The following NUTM2E variants were observed in gnomAD, a reference collection of about 807,000 sequenced individuals.
NUTM2E encodes family with sequence similarity 22, member E.
In NUTM2E, 3 loss-of-function variants were observed where a neutral mutation model predicts 26.1. That is an observed-to-expected ratio of 0.12 (90% confidence interval 0.05 to 0.30). The LOEUF (loss-of-function observed/expected upper bound fraction) is 0.30, where lower values mean the gene tolerates loss of function less well. Among genes scored for constraint, NUTM2E ranks in the 10% least tolerant of loss-of-function variants. NUTM2E has a pLI of 1.00. For synonymous variants in NUTM2E, 13 were observed against 157.5 expected (o/e 0.08, Z 6.87); for missense variants, 62 against 381.3 (o/e 0.16, Z 6.97).
intron 1 of NUTM2E, among the ~76,000 whole-genome samples, chr10:79,828,739 G>C (rs1841907558): frequency 6.6e-6 from 1 of 151,788 alleles, no homozygotes; most frequent in African/African-American, 2.4e-5. Flanking sequence ...CTTTGAGCAA[G>C]TTTTATACAT....
At chr10:79,837,005 A>G (rs374248251) in intron 1 of NUTM2E, among the ~76,000 whole-genome samples, 1 of 151,850 alleles carries the variant, frequency 6.6e-6, no homozygotes, top group African/African-American at 2.4e-5. Flanking sequence ...AAGAGAAAAA[A>G]AAATTGTGAA....
At chr10:79,849,147 G>A (rs1842038467) in intron 8 of NUTM2E, among the ~76,000 whole-genome samples, 1 of 84,310 alleles carries the variant, frequency 1.2e-5, no homozygotes, top group Non-Finnish European at 3.0e-5. Context: ...TGTGTCATAT[G>A]TGGGTCTGTT....
chr10:79,834,845 AAC>A (rs1047905907), intron 1 of NUTM2E, among the ~76,000 whole-genome samples: 2 of 143,298 alleles, frequency 1.4e-5, no homozygotes, highest in African/African-American at 5.2e-5. Flanking sequence ...CACACACACA[AAC>A]ACACAAACTA....
intron 1 of NUTM2E, among the ~76,000 whole-genome samples, chr10:79,837,252 G>A (rs1841969539): frequency 6.6e-6 from 1 of 151,958 alleles, no homozygotes; most frequent in African/African-American, 2.4e-5. Context: ...ATCTTATTTT[G>A]AGAGCTAATG....
rs1350228732 is a variant in NUTM2E at position 79,840,517 on chromosome 10, G to A, written c.-1224G>A. Among the ~76,000 whole-genome samples the A allele has an allele frequency of 7.2e-4, 96 of 133,000 alleles. No individual in the cohort carries two copies. Among genetic ancestry groups the A allele is most frequent in the South Asian group, 1.6e-3 (6 of 3,646 alleles). The allele number at this position is 133,000 out of a possible 152,430, so 87.3% of individuals were successfully genotyped here. ...TCAGGTTCAGAGTTGGGACAAAACC[G>A]AGAACTCATGGGGATATTGGACAGG... On this transcript the variant is annotated 5_prime_UTR_variant, in exon 4 of 10. Coordinates refer to ENST00000429984, the MANE Select transcript of NUTM2E (RefSeq NM_001355263.2).
chr10:79,828,723 G>A (rs1841907464), intron 1 of NUTM2E, among the ~76,000 whole-genome samples: 1 of 151,826 alleles, frequency 6.6e-6, no homozygotes, highest in African/African-American at 2.4e-5. Flanking sequence ...CTTATTAGCT[G>A]GGTAACTTTG....
chr10:79,827,248 C>T lies in NUTM2E; in HGVS notation c.-2837C>T, dbSNP rs1231412257. The T allele has an allele frequency of 6.5e-6, 1 of 152,720 alleles. No homozygotes were observed. Among genetic ancestry groups the T allele is most frequent in the Non-Finnish European group, 1.5e-5 (1 of 67,684 alleles). 9.5% of individuals were successfully genotyped at this position (152,720 alleles called of 1,614,324 possible). A position where few individuals can be genotyped will look rare whatever the true frequency, so the allele number is the denominator to read the frequency against. Reference sequence around the variant, plus strand: ...AGCTAGAGTTGGCTTCAGCGGAATACCTACTGTGCGGGATTATTCAACAAG... The same window carrying T: ...AGCTAGAGTTGGCTTCAGCGGAATATCTACTGTGCGGGATTATTCAACAAG... On this transcript the variant is annotated 5_prime_UTR_variant, in exon 1 of 10. Transcript: ENST00000429984.
chr10:79,828,448 C>A (rs1471401844), intron 1 of NUTM2E, among the ~76,000 whole-genome samples: 1 of 151,858 alleles, frequency 6.6e-6, no homozygotes, highest in South Asian at 2.1e-4. Context: ...TCTCAGTTTT[C>A]CTGGTAAAGT....
At chr10:79,845,095 G>A (rs1463062359) in intron 5 of NUTM2E, among the ~76,000 whole-genome samples, 7 of 113,920 alleles carry the variant, frequency 6.1e-5, no homozygotes, top group Non-Finnish European at 1.6e-4. Flanking sequence ...CGTGAGTCCA[G>A]CCAATCCTTA....
intron 1 of NUTM2E, among the ~76,000 whole-genome samples, chr10:79,829,602 TCCCATAC>T (rs1277400001): frequency 6.6e-6 from 1 of 151,896 alleles, no homozygotes; most frequent in African/African-American, 2.4e-5. Flanking sequence ...CAATATTTCT[TCCCATAC>T]CCTCAGTGAC....
intron 1 of NUTM2E, among the ~76,000 whole-genome samples, chr10:79,832,581 A>G (rs1174553555): frequency 6.6e-6 from 1 of 151,742 alleles, no homozygotes; most frequent in Non-Finnish European, 1.5e-5. Context: ...TACATTGCCT[A>G]CTGATTTTTA....
At chr10:79,849,516 C>T in intron 9 of NUTM2E, 29 bp downstream of exon 9, 1 of 407,340 alleles carries the variant, frequency 2.5e-6, no homozygotes, top group Non-Finnish European at 4.2e-6. Flanking sequence ...GGACCTGGCA[C>T]ACAAGGCCCA....
chr10:79,833,196 A>C (rs1841937682), intron 1 of NUTM2E, among the ~76,000 whole-genome samples: 1 of 151,936 alleles, frequency 6.6e-6, no homozygotes, highest in Admixed American at 6.6e-5. Flanking sequence ...AATTAAGCAG[A>C]AGAAATTGCT....
At chr10:79,832,334 A>T (rs1564741152) in intron 1 of NUTM2E, among the ~76,000 whole-genome samples, 2 of 151,624 alleles carry the variant, frequency 1.3e-5, no homozygotes, top group Non-Finnish European at 2.9e-5. Context: ...GTGTATGTTT[A>T]TCGTGGGGAA....
chr10:79,838,238 T>C (rs541319883), intron 1 of NUTM2E, among the ~76,000 whole-genome samples, 71 bp from the exon 2 acceptor site: 96 of 128,098 alleles, frequency 7.5e-4, no homozygotes, highest in African/African-American at 2.6e-3. Flanking sequence ...GGCCACACTC[T>C]TGCATCCACA....
chr10:79,828,421 A>C (rs1269490798), intron 1 of NUTM2E, among the ~76,000 whole-genome samples: 4 of 151,854 alleles, frequency 2.6e-5, no homozygotes. Flanking sequence ...CATTTCCCGG[A>C]AGGTTAACAG....
At chr10:79,835,706 GAGTCTAAAC>G (rs922035020) in intron 1 of NUTM2E, among the ~76,000 whole-genome samples, 6 of 85,370 alleles carry the variant, frequency 7.0e-5, no homozygotes, top group Admixed American at 2.8e-4. Flanking sequence ...GCTGAGAAAT[GAGTCTAAAC>G]AACTGACATT....
rs1311254634 is a variant in NUTM2E at position 79,839,619 on chromosome 10, C to T, written c.-2113-9C>T. Among the ~76,000 whole-genome samples, 3 of 151,802 alleles carry T rather than the reference C, an allele frequency of 2.0e-5. No individual in the cohort carries two copies. The highest frequency in any genetic ancestry group is 6.6e-5 in the Admixed American group (1 of 15,212). ...CTTTAATCGTCACATCCTTTCTGCTCATTTGCAGGATTCCTATCATCTGTC... is the reference window on the plus strand; with the variant it reads ...CTTTAATCGTCACATCCTTTCTGCTTATTTGCAGGATTCCTATCATCTGTC... On this transcript the variant is annotated splice_polypyrimidine_tract_variant and intron_variant, in intron 3 of 9. Coordinates refer to ENST00000429984, the MANE Select transcript of NUTM2E (RefSeq NM_001355263.2).
Position 79,838,854 on chromosome 10 carries a change from C to T in NUTM2E, c.-2375C>T, listed in dbSNP as rs1841980887. ...CTTTGCTCTCGCGCTGCGCGTCTCC[C>T]TGCCATCAACCGCCGCAACTGGCGC... On this transcript the variant is annotated 5_prime_UTR_variant, in exon 3 of 10. Coordinates refer to ENST00000429984, the MANE Select transcript of NUTM2E (RefSeq NM_001355263.2). 6.6e-6 allele frequency among the ~76,000 whole-genome samples: 1 copy of T among 151,214 alleles called. No individual in the cohort carries two copies. Among genetic ancestry groups the T allele is most frequent in the Non-Finnish European group, 1.5e-5 (1 of 67,708 alleles).
Sources: allele counts gnomAD v4.1 joint callset (sites outside exome capture counted in the v4.1 genomes callset), GRCh38; gene constraint gnomAD v4.1.1; transcripts MANE v1.5; gene names NCBI Gene and HGNC (gene_info 2026-07-23, HGNC 2026-07-21).